Variants in SH3PXD2A observed in about 807,000 individuals in gnomAD.
SH3PXD2A encodes SH3 and PX domain-containing protein 2A.
Under a neutral mutation model 115.2 loss-of-function variants are expected in SH3PXD2A, and 32 were observed. The ratio of observed to expected loss-of-function variants is 0.28; its 90% CI spans 0.21 to 0.37. The LOEUF is 0.37. Among genes scored for constraint, SH3PXD2A ranks in the 10% least tolerant of loss-of-function variants. The pLI is 1.00. For synonymous variants in SH3PXD2A, 610 were observed against 629.1 expected (o/e 0.97, Z 0.45); for missense variants, 1,328 against 1,498.7 (o/e 0.89, Z 1.88).
At chr10:103,724,797 A>C (rs961589370) in intron 4 of SH3PXD2A, among the ~76,000 whole-genome samples, 20 of 152,276 alleles carry the variant, frequency 1.3e-4, no homozygotes, top group African/African-American at 4.6e-4. Context: ...AAACAAAAAA[A>C]AAAAGACCAC....
intron 1 of SH3PXD2A, 81 bp from the exon 2 acceptor site, chr10:103,801,443 G>A (rs1331450805): frequency 1.2e-6 from 1 of 844,646 alleles, no homozygotes; most frequent in African/African-American, 1.7e-5. Context: ...ATGACTGCAG[G>A]TGTTCCATAT....
At chr10:103,842,921 C>A (rs928474044) in intron 1 of SH3PXD2A, among the ~76,000 whole-genome samples, 1 of 152,108 alleles carries the variant, frequency 6.6e-6, no homozygotes, top group African/African-American at 2.4e-5. Context: ...CAAGGTCATT[C>A]TTGGTAAGTG....
At chr10:103,821,661 T>C (rs988754709) in intron 1 of SH3PXD2A, among the ~76,000 whole-genome samples, 5 of 151,996 alleles carry the variant, frequency 3.3e-5, no homozygotes, top group African/African-American at 1.2e-4. Flanking sequence ...CAAGCCATCC[T>C]CCTGCCTCAG....
intron 8 of SH3PXD2A, among the ~76,000 whole-genome samples, chr10:103,642,517 AG>A (rs1355009497): frequency 2.0e-5 from 3 of 152,222 alleles, no homozygotes; most frequent in African/African-American, 7.2e-5. Flanking sequence ...CTACAGCTTT[AG>A]GAAGCCAACG....
In SH3PXD2A at chr10:103,612,873, G is replaced by A; in HGVS notation, c.1238C>T (p.Ala413Val). The part of the protein sequence containing the change: ...AQGSPAVARI[A>V]PQRAQISSPN... ...CTTACTGATCTGGGCCCGCTGAGGG[G>A]CAATCCTGGCCACAGCTGGAGAGCC... The change falls in exon 12 of 15, where the codon GCC becomes GTC. Residue 413 changes from alanine to valine, a missense_variant. Around this residue, in one of 5 missense-constraint regions of SH3PXD2A, gnomAD observed 509 missense variants for 628.3 expected, o/e 0.81. Coordinates refer to ENST00000369774, the MANE Select transcript of SH3PXD2A (RefSeq NM_001394015.1). 1 of 1,575,602 alleles carries A rather than the reference G, an allele frequency of 6.3e-7. No homozygotes were observed. Among genetic ancestry groups the A allele is most frequent in the Non-Finnish European group, 8.6e-7 (1 of 1,163,284 alleles).
chr10:103,735,875 C>G, intron 3 of SH3PXD2A, 67 bp from the exon 4 acceptor site: 1 of 1,255,958 alleles, frequency 8.0e-7, no homozygotes, highest in South Asian at 1.2e-5. Context: ...TCTCATTCCC[C>G]TCTCCCTTGG....
At chr10:103,720,043 A>C (rs1386760031) in intron 5 of SH3PXD2A, among the ~76,000 whole-genome samples, 1 of 152,210 alleles carries the variant, frequency 6.6e-6, no homozygotes, top group Non-Finnish European at 1.5e-5. Context: ...TCTTAAAAAC[A>C]GAAATTTATT....
chr10:103,682,149 C>T (rs2037618043), intron 6 of SH3PXD2A, among the ~76,000 whole-genome samples: 1 of 152,212 alleles, frequency 6.6e-6, no homozygotes, highest in African/African-American at 2.4e-5. Context: ...ATTGAGGCTT[C>T]CAACTAGCTG....
intron 1 of SH3PXD2A, among the ~76,000 whole-genome samples, chr10:103,813,392 A>G (rs1660934895): frequency 6.6e-6 from 1 of 152,070 alleles, no homozygotes; most frequent in South Asian, 2.1e-4. Context: ...TCATAGCTCA[A>G]TGCAGCCCTG....
At chr10:103,660,687 C>T (rs978785862) in intron 8 of SH3PXD2A, among the ~76,000 whole-genome samples, 5 of 152,234 alleles carry the variant, frequency 3.3e-5, no homozygotes, top group African/African-American at 9.6e-5. Context: ...CACGGGCCTC[C>T]GAGGGCACGG....
intron 5 of SH3PXD2A, among the ~76,000 whole-genome samples, chr10:103,694,031 C>A (rs559731970): frequency 2.0e-5 from 3 of 152,200 alleles, no homozygotes; most frequent in Admixed American, 6.5e-5. Context: ...CTCCCACCCC[C>A]CTCCATTCAC....
chr10:103,606,376 A>AT (rs34117845), intron 13 of SH3PXD2A, among the ~76,000 whole-genome samples: 10,500 of 78,216 alleles, frequency 0.13, 1,145 homozygotes, highest in East Asian at 0.18. Flanking sequence ...CACCTGGTTA[A>AT]TTTTTTTTTT....
At chr10:103,824,110 C>A (rs2039406968) in intron 1 of SH3PXD2A, among the ~76,000 whole-genome samples, 1 of 152,210 alleles carries the variant, frequency 6.6e-6, no homozygotes, top group Non-Finnish European at 1.5e-5. Context: ...TGGCACTCCC[C>A]TGGGAAACCC....
chr10:103,654,022 G>C (rs1238254322), intron 8 of SH3PXD2A, among the ~76,000 whole-genome samples: 1 of 151,890 alleles, frequency 6.6e-6, no homozygotes, highest in South Asian at 2.1e-4. Flanking sequence ...CGCTCTGCCT[G>C]TCTAATCCCT....
At chr10:103,804,854 G>T (rs1420789568) in intron 1 of SH3PXD2A, among the ~76,000 whole-genome samples, 1 of 152,066 alleles carries the variant, frequency 6.6e-6, no homozygotes, top group Non-Finnish European at 1.5e-5. Flanking sequence ...TTTCCTGGGG[G>T]TTATTACCTA....
chr10:103,686,096 T>C (rs1350657930), intron 6 of SH3PXD2A, among the ~76,000 whole-genome samples: 1 of 152,156 alleles, frequency 6.6e-6, no homozygotes, highest in Admixed American at 6.5e-5. Flanking sequence ...AATAATACAG[T>C]TTTATGATCA....
At chr10:103,740,481 A>G (rs1479283131) in intron 3 of SH3PXD2A, among the ~76,000 whole-genome samples, 1 of 152,204 alleles carries the variant, frequency 6.6e-6, no homozygotes, top group Non-Finnish European at 1.5e-5. Context: ...ATGGACTCCC[A>G]TGAGAGCCAG....
At chr10:103,732,543 T>C (rs2038333011) in intron 4 of SH3PXD2A, among the ~76,000 whole-genome samples, 1 of 152,138 alleles carries the variant, frequency 6.6e-6, no homozygotes, top group African/African-American at 2.4e-5. Context: ...CGCCATTAGG[T>C]GGTGGGACTG....
chr10:103,809,581 G>T (rs1258660929), intron 1 of SH3PXD2A, among the ~76,000 whole-genome samples: 1 of 152,166 alleles, frequency 6.6e-6, no homozygotes. Flanking sequence ...CATCCTTCAA[G>T]AGTGTGTAGC....
Sources: allele counts gnomAD v4.1 joint callset (sites outside exome capture counted in the v4.1 genomes callset), GRCh38; gene constraint gnomAD v4.1.1; regional missense constraint gnomAD v4.1.1; transcripts MANE v1.5; gene names NCBI Gene and HGNC (gene_info 2026-07-23, HGNC 2026-07-21).